UPF2: variants seen among roughly 807,000 people sequenced by gnomAD.
The protein encoded by UPF2 is regulator of nonsense transcripts 2.
A neutral mutation model predicts 141.4 loss-of-function variants in UPF2; 17 were observed. The ratio of observed to expected loss-of-function variants is 0.12; its 90% CI spans 0.08 to 0.18. The LOEUF (loss-of-function observed/expected upper bound fraction) is 0.18. Ranked by LOEUF, UPF2 falls within the 10% of genes least tolerant of loss-of-function variation. UPF2 has a pLI of 1.00. For missense variants in UPF2, 1,152 were observed against 1,515.9 expected (o/e 0.76, Z 3.99); for synonymous variants, 540 against 498.0 (o/e 1.08, Z -1.12).
chr10:11,962,630 G>A (rs200096634), intron 11 of UPF2, among the ~76,000 whole-genome samples: 2 of 152,144 alleles, frequency 1.3e-5, no homozygotes, highest in South Asian at 2.1e-4. Flanking sequence ...AGCAGTTATC[G>A]CCTCCATACT....
At chr10:12,024,426 A>G (rs1834373140) in intron 3 of UPF2, among the ~76,000 whole-genome samples, 1 of 152,124 alleles carries the variant, frequency 6.6e-6, no homozygotes, top group Admixed American at 6.6e-5. Flanking sequence ...CCTGGGCAAC[A>G]TGGCGAAACC....
chr10:12,035,234 T>C lies in UPF2; in HGVS notation c.190A>G (p.Lys64Glu), dbSNP rs1326932612. The C allele has an allele frequency of 6.2e-7, 1 of 1,613,830 alleles. No individual in the cohort carries two copies. The highest frequency in any genetic ancestry group is 8.5e-7 in the Non-Finnish European group (1 of 1,180,022). The part of the protein sequence containing the change: ...EDKKKRLEDD[K>E]RKKEDKERKK... ...CGTTCCTTGTCTTCCTTTTTTCTCT[T>C]ATCATCTTCCAGTCTCTTCTTCTTG... Residue 64 changes from lysine to glutamate, a missense_variant, in exon 2 of 22, where the codon AAG becomes GAG. Transcript: ENST00000357604.
intron 21 of UPF2, chr10:11,928,677 C>A (rs1339087269): frequency 5.9e-6 from 2 of 339,082 alleles, no homozygotes; most frequent in Middle Eastern, 7.1e-4. Flanking sequence ...CCACTGCATT[C>A]CAGCCTGGGC....
intron 21 of UPF2, among the ~76,000 whole-genome samples, chr10:11,926,415 T>C (rs2131146375): frequency 6.6e-6 from 1 of 152,138 alleles, no homozygotes; most frequent in East Asian, 1.9e-4. Context: ...ACACCTCCTT[T>C]GAGAGTGCAG....
Position 12,028,765 on chromosome 10 carries a change from C to A in UPF2, c.1125G>T (p.Gln375His). Residue 375 changes from glutamine to histidine, a missense_variant, in exon 3 of 22, where the codon CAG (glutamine) becomes CAT (histidine). By Grantham distance (24) the Gln-to-His change is conservative. Coordinates refer to ENST00000357604, the MANE Select transcript of UPF2 (RefSeq NM_015542.4). ...ATCACCTGTTTTGTCTCTCAGTATT[C>A]TGGAGCTCCCTGTGGTCCCTTTTCA... is the stretch of plus-strand genomic sequence containing the variant. ...KHLKRDHRELQNTERQNRRIL... is the reference protein window; with the variant it reads ...KHLKRDHRELHNTERQNRRIL... 1 of 1,602,394 alleles carries A rather than the reference C, an allele frequency of 6.2e-7. No homozygotes were observed. Among genetic ancestry groups the A allele is most frequent in the Non-Finnish European group, 8.5e-7 (1 of 1,175,806 alleles).
At chr10:11,938,862 T>TTTTTTTG (rs1588527761) in intron 18 of UPF2, among the ~76,000 whole-genome samples, 7 of 79,854 alleles carry the variant, frequency 8.8e-5, no homozygotes, top group African/African-American at 2.1e-4. Flanking sequence ...TGTTTTTTTT[T>TTTTTTTG]TTTTTTTTTT....
chr10:12,012,793 C>T (rs1217845444), intron 4 of UPF2, among the ~76,000 whole-genome samples: 25 of 135,986 alleles, frequency 1.8e-4, no homozygotes, highest in East Asian at 8.5e-4. Context: ...AGCAAGACTC[C>T]GCCAAAAAAA....
intron 21 of UPF2, among the ~76,000 whole-genome samples, chr10:11,922,247 C>A (rs1028266174): frequency 6.6e-6 from 1 of 152,214 alleles, no homozygotes; most frequent in African/African-American, 2.4e-5. Context: ...AGACAACAGA[C>A]ATCTGTCGTT....
At chr10:11,995,657 C>A (rs1049624273) in intron 8 of UPF2, among the ~76,000 whole-genome samples, 14 of 152,036 alleles carry the variant, frequency 9.2e-5, no homozygotes, top group African/African-American at 2.9e-4. Context: ...GTGGTGGGAG[C>A]CCATAGTCCC....
intron 8 of UPF2, among the ~76,000 whole-genome samples, chr10:11,993,932 T>G (rs1833823869): frequency 6.6e-6 from 1 of 152,056 alleles, no homozygotes; most frequent in Non-Finnish European, 1.5e-5. Flanking sequence ...GAGGCTGCAG[T>G]GAGCTGTAAT....
chr10:11,934,281 CA>C (rs1300660016), intron 19 of UPF2, among the ~76,000 whole-genome samples: 2 of 152,144 alleles, frequency 1.3e-5, no homozygotes, highest in African/African-American at 2.4e-5. Context: ...GCAGTCTTAG[CA>C]AAGATCTCAG....
At chr10:11,996,987 T>A (rs549308592) in intron 8 of UPF2, among the ~76,000 whole-genome samples, 1 of 152,302 alleles carries the variant, frequency 6.6e-6, no homozygotes, top group African/African-American at 2.4e-5. Context: ...TCTTAATAGT[T>A]AACAAAATTA....
At chr10:11,987,010 T>C (rs1398744581) in intron 8 of UPF2, among the ~76,000 whole-genome samples, 2 of 152,240 alleles carry the variant, frequency 1.3e-5, no homozygotes, top group Non-Finnish European at 2.9e-5. Flanking sequence ...GCTAAAACAA[T>C]ACCAAGTGCA....
chr10:12,027,513 A>G (rs945993875), intron 3 of UPF2, among the ~76,000 whole-genome samples: 2 of 152,228 alleles, frequency 1.3e-5, no homozygotes, highest in Admixed American at 6.5e-5. Flanking sequence ...GTATGAATAA[A>G]GCACCACCAT....
Position 11,979,292 on chromosome 10 carries a change from C to T in UPF2, c.1845-127G>A. The T allele has an allele frequency of 3.6e-6, 2 of 562,528 alleles. No individual in the cohort carries two copies. The highest frequency in any genetic ancestry group is 4.3e-5 in the South Asian group (1 of 23,358). The allele number at this position is 562,528 out of a possible 1,614,324, so 34.8% of individuals were successfully genotyped here. On this transcript the variant is annotated intron_variant, in intron 8 of 21. Coordinates refer to ENST00000357604, the MANE Select transcript of UPF2 (RefSeq NM_015542.4). The surrounding 1 kb of genome is among the most constrained non-coding windows in gnomAD (Gnocchi z 6.2). Reference sequence around the variant, plus strand: ...TAAAACTCATAATCATACAGACATGCCTATTTATTGCCATCATAAAGAAGT... The same window carrying T: ...TAAAACTCATAATCATACAGACATGTCTATTTATTGCCATCATAAAGAAGT...
intron 9 of UPF2, among the ~76,000 whole-genome samples, chr10:11,974,792 T>TA (rs1257857488): frequency 1.3e-5 from 2 of 152,256 alleles, no homozygotes; most frequent in Non-Finnish European, 2.9e-5. Context: ...TGAAACTCTT[T>TA]AAAAACTTTT....
intron 16 of UPF2, among the ~76,000 whole-genome samples, chr10:11,948,100 T>G (rs1588532123): frequency 6.6e-6 from 1 of 151,656 alleles, no homozygotes; most frequent in East Asian, 1.9e-4. Flanking sequence ...ATACAAAAAT[T>G]AGCTGGGCGT....
At position 12,016,465 on chromosome 10, in the gene UPF2, G is replaced by A. The variant is rs1834221850; in HGVS notation, c.1146-2281C>T. Among the ~76,000 whole-genome samples, 2 of 152,074 alleles carry A rather than the reference G, an allele frequency of 1.3e-5. No individual in the cohort carries two copies. Among genetic ancestry groups the A allele is most frequent in the Admixed American group, 6.6e-5 (1 of 15,258 alleles). On this transcript the variant is annotated intron_variant, in intron 3 of 21. Transcript: ENST00000357604. This position sits in a 1 kb window ranked among gnomAD's most constrained non-coding sequence, Gnocchi z 4.1. ...AATCCCAGAACTTTGGAAGGCCGAG[G>A]TGGGAGGATCACAAGGTCAGGAGTT...
At chr10:12,030,543 AAATAATAATAAT>A (rs141050401) in intron 2 of UPF2, among the ~76,000 whole-genome samples, 3 of 148,920 alleles carry the variant, frequency 2.0e-5, no homozygotes, top group Admixed American at 6.7e-5. Flanking sequence ...CTGCCTCAAA[AAATAATAATAAT>A]AATAATAATA....
Sources: gnomAD v4.1 joint callset for allele counts (sites outside exome capture counted in the v4.1 genomes callset) on GRCh38, gnomAD v4.1.1 for gene constraint, Gnocchi (gnomAD v3.1) non-coding constraint, MANE v1.5 for transcripts, NCBI Gene and HGNC (gene_info 2026-07-23, HGNC 2026-07-21) for gene names.